The following ENOX1 variants were observed in gnomAD, a reference collection of about 807,000 sequenced individuals.
The protein encoded by ENOX1 is candidate growth-related and time keeping constitutive hydroquinone (NADH) oxidase.
Under a neutral mutation model 82.5 loss-of-function variants are expected in ENOX1, and 42 were observed. The observed-to-expected ratio is 0.51, with a 90% CI of 0.40 to 0.66. ENOX1 has a LOEUF of 0.66. ENOX1 is among the 30% of genes least tolerant of loss of function. The pLI, the probability that ENOX1 is intolerant of heterozygous loss-of-function variation, is 0.00. For synonymous variants in ENOX1, 271 were observed against 282.2 expected (o/e 0.96, Z 0.40); for missense variants, 608 against 811.6 (o/e 0.75, Z 3.05).
intron 14 of ENOX1, among the ~76,000 whole-genome samples, chr13:43,260,513 T>A (rs1293589575): frequency 6.6e-6 from 1 of 152,150 alleles, no homozygotes; most frequent in Admixed American, 6.5e-5. Flanking sequence ...TTTTAAACAT[T>A]GCTGGCTGAA....
chr13:43,472,262 T>C (rs2058100408), intron 3 of ENOX1, among the ~76,000 whole-genome samples: 1 of 152,156 alleles, frequency 6.6e-6, no homozygotes, highest in Non-Finnish European at 1.5e-5. Flanking sequence ...TCTGTAGCCA[T>C]AAACCCACAA....
intron 2 of ENOX1, among the ~76,000 whole-genome samples, chr13:43,657,465 T>A (rs184637492): frequency 5.9e-5 from 9 of 152,302 alleles, no homozygotes; most frequent in Middle Eastern, 3.4e-3. Context: ...AGATAACACC[T>A]GGCCATCAGC....
chr13:43,288,815 T>A (rs923636936), intron 12 of ENOX1, among the ~76,000 whole-genome samples: 4 of 152,164 alleles, frequency 2.6e-5, no homozygotes, highest in South Asian at 2.1e-4. Context: ...AGTTTTTTTT[T>A]ACATTCTACA....
In ENOX1 at chr13:43,362,493, C is replaced by G. The variant is rs568345254; in HGVS notation, c.209-1041G>C. 4.6e-5 allele frequency among the ~76,000 whole-genome samples: 7 copies of G among 152,216 alleles called. No homozygotes were observed. In the East Asian group the frequency reaches 1.4e-3, roughly 29 times the overall value. On this transcript the variant is annotated intron_variant, in intron 5 of 16. Transcript: ENST00000690772. Reference sequence around the variant, plus strand: ...AAACTTCCTTCTTGTCTCATACCATCCTATCTTCTTCTCCCTCCTCATCTT... The same window carrying G: ...AAACTTCCTTCTTGTCTCATACCATGCTATCTTCTTCTCCCTCCTCATCTT...
At chr13:43,248,922 A>G (rs562970115) in intron 14 of ENOX1, among the ~76,000 whole-genome samples, 60 of 152,302 alleles carry the variant, frequency 3.9e-4, no homozygotes, top group Admixed American at 3.6e-3. Flanking sequence ...ATTATGATAC[A>G]TATATAGCCC....
intron 3 of ENOX1, among the ~76,000 whole-genome samples, chr13:43,454,175 G>A (rs968188494): frequency 6.6e-6 from 1 of 151,948 alleles, no homozygotes; most frequent in Admixed American, 6.6e-5. Context: ...AAGGTGAATA[G>A]TATTATAAGG....
intron 1 of ENOX1, among the ~76,000 whole-genome samples, chr13:43,732,630 T>C (rs896589196): frequency 6.6e-6 from 1 of 152,122 alleles, no homozygotes; most frequent in Admixed American, 6.5e-5. Context: ...AAAAAGACAA[T>C]GCACAATTAC....
intron 3 of ENOX1, among the ~76,000 whole-genome samples, chr13:43,420,353 A>G (rs1212184996): frequency 6.6e-6 from 1 of 152,216 alleles, no homozygotes; most frequent in Non-Finnish European, 1.5e-5. Flanking sequence ...ACAACTAAAA[A>G]TCTTAATATC....
chr13:43,392,746 T>C (rs1247070974), intron 5 of ENOX1, among the ~76,000 whole-genome samples: 2 of 152,166 alleles, frequency 1.3e-5, no homozygotes, highest in African/African-American at 2.4e-5. Context: ...AGAATAAAAT[T>C]TTAGTTTCAA....
intron 11 of ENOX1, among the ~76,000 whole-genome samples, chr13:43,310,197 CAAAAAAAAAA>C (rs10555409): frequency 3.6e-5 from 3 of 82,602 alleles, no homozygotes; most frequent in Admixed American, 1.3e-4. Context: ...GATTCCATCT[CAAAAAAAAAA>C]AAAAAAAAAA....
intron 6 of ENOX1, 108 bp from the exon 7 acceptor site, chr13:43,360,165 G>T: frequency 1.1e-6 from 1 of 946,492 alleles, no homozygotes; most frequent in Non-Finnish European, 1.5e-6. Flanking sequence ...ACTGAGTGAC[G>T]GTAAATTTCT....
chr13:43,583,626 A>G (rs2080847283), intron 2 of ENOX1, among the ~76,000 whole-genome samples: 1 of 152,168 alleles, frequency 6.6e-6, no homozygotes, highest in Non-Finnish European at 1.5e-5. Flanking sequence ...TTAACTCAAA[A>G]AAGCTTATTT....
intron 2 of ENOX1, among the ~76,000 whole-genome samples, chr13:43,633,726 T>C (rs1247972203): frequency 6.8e-6 from 1 of 146,876 alleles, no homozygotes; most frequent in Non-Finnish European, 1.5e-5. Context: ...ATAGGTGGGT[T>C]GATAGTGTAT....
In ENOX1 at chr13:43,354,469, C is replaced by CTT. The variant is rs560964401; in HGVS notation, c.823+1448_823+1449dup. Among the ~76,000 whole-genome samples, 324 of 139,292 alleles carry CTT rather than the reference C, an allele frequency of 2.3e-3. 2 individuals carry two copies. The highest frequency in any genetic ancestry group is 7.8e-3 in the African/African-American group (296 of 38,164). The allele number at this position is 139,292 out of a possible 152,430, so 91.4% of individuals were successfully genotyped here. A position where few individuals can be genotyped will look rare whatever the true frequency, so the allele number is the denominator to read the frequency against. ...GGAAGCACAGCACCCCCGCTGCCAC[C>CTT]TTTTTTTTTTTTTTTTTAAAGCATA... On this transcript the variant is annotated intron_variant, in intron 8 of 16. Coordinates refer to ENST00000690772, the MANE Select transcript of ENOX1 (RefSeq NM_001347969.2).
At chr13:43,608,040 C>G (rs988073986) in intron 2 of ENOX1, among the ~76,000 whole-genome samples, 2 of 152,166 alleles carry the variant, frequency 1.3e-5, no homozygotes, top group African/African-American at 2.4e-5. Flanking sequence ...GGGAATCATT[C>G]CATCATGTGA....
intron 2 of ENOX1, among the ~76,000 whole-genome samples, chr13:43,628,550 C>G (rs2083068874): frequency 1.3e-5 from 2 of 152,194 alleles, no homozygotes; most frequent in South Asian, 4.1e-4. Context: ...AGCATTTCTA[C>G]CATAGCTGCT....
At chr13:43,733,323 A>T (rs2089444951) in intron 1 of ENOX1, among the ~76,000 whole-genome samples, 1 of 152,216 alleles carries the variant, frequency 6.6e-6, no homozygotes, top group Non-Finnish European at 1.5e-5. Context: ...CGAAGACCAG[A>T]TAGCAATTCC....
chr13:43,652,495 A>G (rs1594271036), intron 2 of ENOX1, among the ~76,000 whole-genome samples: 1 of 152,312 alleles, frequency 6.6e-6, no homozygotes, highest in Admixed American at 6.5e-5. Context: ...GACCACTTAA[A>G]GAGGGCTGAT....
intron 5 of ENOX1, among the ~76,000 whole-genome samples, chr13:43,400,003 A>C (rs988751333): frequency 3.3e-5 from 5 of 151,774 alleles, no homozygotes; most frequent in African/African-American, 1.2e-4. Context: ...TGTGTAGTCC[A>C]GCTCTGAAAT....
Sources: gnomAD v4.1 joint callset for allele counts (sites outside exome capture counted in the v4.1 genomes callset) on GRCh38, gnomAD v4.1.1 for gene constraint, MANE v1.5 for transcripts, NCBI Gene and HGNC (gene_info 2026-07-23, HGNC 2026-07-21) for gene names.